Variants in TESC observed in about 807,000 individuals in gnomAD.
TESC encodes calcineurin B homologous protein 3.
Under a neutral mutation model 31.0 loss-of-function variants are expected in TESC, and 19 were observed. The ratio of observed to expected loss-of-function variants is 0.61; its 90% CI spans 0.43 to 0.90. The LOEUF is 0.90. Among genes scored for constraint, TESC ranks in the 40% least tolerant of loss-of-function variants. The probability of loss-of-function intolerance (pLI) is 0.00; values close to 1 mark genes in which losing one functional copy is unlikely to be tolerated. For synonymous variants in TESC, 109 were observed against 114.8 expected (o/e 0.95, Z 0.32); for missense variants, 248 against 303.8 (o/e 0.82, Z 1.36).
chr12:117,075,869 A>ATATATATGTGTG (rs1955049402), intron 1 of TESC, among the ~76,000 whole-genome samples: 1 of 31,440 alleles, frequency 3.2e-5, no homozygotes, highest in African/African-American at 8.3e-5. Context: ...ATATATATAT[A>ATATATATGTGTG]TGTGTGTATA....
At chr12:117,041,679 G>C (rs915277014) in intron 7 of TESC, among the ~76,000 whole-genome samples, 7 of 152,232 alleles carry the variant, frequency 4.6e-5, no homozygotes, top group African/African-American at 1.7e-4. Flanking sequence ...CCGCAGGTGG[G>C]AGAGAATTTG....
intron 1 of TESC, among the ~76,000 whole-genome samples, chr12:117,093,802 T>TTCCTTC (rs1183430783): frequency 2.6e-5 from 4 of 151,996 alleles, no homozygotes; most frequent in Non-Finnish European, 1.5e-5. Flanking sequence ...TTTTTTCCTT[T>TTCCTTC]TCCTTCTGGC....
intron 6 of TESC, 72 bp from the exon 7 acceptor site, chr12:117,042,066 A>G: frequency 1.4e-6 from 2 of 1,480,016 alleles, no homozygotes; most frequent in South Asian, 1.2e-5. Context: ...GGGACGGTCC[A>G]CTGGCCTCCC....
Position 117,099,413 on chromosome 12 carries a change from T to C in TESC, c.-131A>G. 1.1e-6 allele frequency: 1 copy of C among 899,714 alleles called. No homozygotes were observed. The highest frequency in any genetic ancestry group is 1.5e-6 in the Non-Finnish European group (1 of 680,336). 55.7% of individuals were successfully genotyped at this position (899,714 alleles called of 1,614,324 possible). On this transcript the variant is annotated 5_prime_UTR_variant, in exon 1 of 8. Coordinates refer to ENST00000335209, the MANE Select transcript of TESC (RefSeq NM_017899.4). ...GCCGGCGAAGGCTCGGAGCCGCGGG[T>C]TCCGCGTGGGGCCGGAGCGGGGCCT... is the stretch of plus-strand genomic sequence containing the variant.
At chr12:117,044,262 A>T in intron 6 of TESC, among the ~76,000 whole-genome samples, 1 of 151,664 alleles carries the variant, frequency 6.6e-6, no homozygotes, top group Non-Finnish European at 1.5e-5. Flanking sequence ...ACAGAACGAG[A>T]CCCTGTCTCT....
intron 1 of TESC, among the ~76,000 whole-genome samples, chr12:117,090,661 T>C (rs1189169551): frequency 6.6e-6 from 1 of 152,172 alleles, no homozygotes; most frequent in Non-Finnish European, 1.5e-5. Context: ...CACATCTATC[T>C]GCTGGAAAAG....
rs542920573 is a variant in TESC at position 117,070,926 on chromosome 12, G to A, written c.128+4345C>T. ...GTCAAGGCTGCAGTGAGCCAAGATC[G>A]CACCACTGCACATCAGCCTGAGCAA... On this transcript the variant is annotated intron_variant, in intron 2 of 7. Coordinates refer to ENST00000335209, the MANE Select transcript of TESC (RefSeq NM_017899.4). 2.8e-4 allele frequency among the ~76,000 whole-genome samples: 43 copies of A among 152,138 alleles called. No individual in the cohort carries two copies. The South Asian group carries it at 6.4e-3, about 23-fold the overall frequency.
At chr12:117,090,880 C>A (rs1394725070) in intron 1 of TESC, among the ~76,000 whole-genome samples, 3 of 152,202 alleles carry the variant, frequency 2.0e-5, no homozygotes, top group Admixed American at 6.5e-5. Flanking sequence ...ACCTCAGCAC[C>A]TGGGGCAAGC....
intron 6 of TESC, among the ~76,000 whole-genome samples, chr12:117,045,381 T>C (rs558391941): frequency 2.0e-5 from 3 of 152,364 alleles, no homozygotes; most frequent in South Asian, 4.1e-4. Flanking sequence ...CTGTCGCCAA[T>C]TGAAACTGGA....
chr12:117,043,913 G>A (rs1954520570), intron 6 of TESC, among the ~76,000 whole-genome samples: 1 of 152,088 alleles, frequency 6.6e-6, no homozygotes, highest in South Asian at 2.1e-4. Context: ...TGTTTCTACT[G>A]GCAGGACTTT....
At chr12:117,039,374 C>T (rs779543855) in intron 7 of TESC, among the ~76,000 whole-genome samples, 164 bp from the exon 8 acceptor site, 14 of 152,178 alleles carry the variant, frequency 9.2e-5, no homozygotes, top group Non-Finnish European at 1.3e-4. Flanking sequence ...ATGAGCTAAG[C>T]GAGGACGAAA....
chr12:117,076,693 C>A (rs137940307), intron 1 of TESC, among the ~76,000 whole-genome samples: 1 of 152,196 alleles, frequency 6.6e-6, no homozygotes, highest in African/African-American at 2.4e-5. Flanking sequence ...ATCCGCCCAC[C>A]GCAGCCTCCC....
At chr12:117,066,653 C>T (rs1343367324) in intron 2 of TESC, among the ~76,000 whole-genome samples, 2 of 152,158 alleles carry the variant, frequency 1.3e-5, no homozygotes, top group African/African-American at 4.8e-5. Flanking sequence ...GCATGAGCCA[C>T]CATGCCCAGC....
chr12:117,071,259 G>A (rs1954968469), intron 2 of TESC, among the ~76,000 whole-genome samples: 1 of 152,160 alleles, frequency 6.6e-6, no homozygotes, highest in African/African-American at 2.4e-5. Context: ...TTGTTCATTT[G>A]AGCACTCTCA....
At chr12:117,050,010 G>C (rs901954809) in intron 3 of TESC, among the ~76,000 whole-genome samples, 2 of 151,800 alleles carry the variant, frequency 1.3e-5, no homozygotes, top group African/African-American at 4.8e-5. Context: ...CTGGAGTTCA[G>C]TGGTGCAGCC....
At chr12:117,083,556 C>CA (rs1565974591) in intron 1 of TESC, among the ~76,000 whole-genome samples, 1 of 151,918 alleles carries the variant, frequency 6.6e-6, no homozygotes, top group Non-Finnish European at 1.5e-5. Context: ...CATTATTCAG[C>CA]AAAAAAAGAA....
intron 1 of TESC, among the ~76,000 whole-genome samples, chr12:117,076,601 G>A (rs1357861053): frequency 2.6e-5 from 4 of 152,080 alleles, no homozygotes; most frequent in Non-Finnish European, 4.4e-5. Flanking sequence ...GCGCCACCAC[G>A]CCCAGCTAAT....
At chr12:117,057,013 G>C in intron 2 of TESC, 127 bp from the exon 3 acceptor site, 1 of 860,678 alleles carries the variant, frequency 1.2e-6, no homozygotes, top group Admixed American at 2.0e-5. Flanking sequence ...ATAGTTCAGA[G>C]TTAGGAGACA....
intron 2 of TESC, among the ~76,000 whole-genome samples, chr12:117,070,846 C>G (rs1159675626): frequency 6.6e-6 from 1 of 152,146 alleles, no homozygotes; most frequent in Admixed American, 6.5e-5. Context: ...TGGCACACAC[C>G]TGTAGTCCCA....
Sources: allele counts gnomAD v4.1 joint callset (sites outside exome capture counted in the v4.1 genomes callset), GRCh38; gene constraint gnomAD v4.1.1; transcripts MANE v1.5; gene names NCBI Gene and HGNC (gene_info 2026-07-23, HGNC 2026-07-21).